Variants in ULK2 observed in about 807,000 individuals in gnomAD.
ULK2 encodes the protein unc-51 like autophagy activating kinase 2, also known as serine/threonine-protein kinase ULK2.
ULK2 carries 76 observed loss-of-function variants against 127.5 expected under a neutral mutation model. The ratio of observed to expected loss-of-function variants is 0.60; its 90% CI spans 0.50 to 0.72. The LOEUF is 0.72. Among genes scored for constraint, ULK2 ranks in the 30% least tolerant of loss-of-function variants. The probability of loss-of-function intolerance (pLI) is 0.00; values close to 1 mark genes in which losing one functional copy is unlikely to be tolerated. For missense variants in ULK2, 1,144 were observed against 1,295.9 expected (o/e 0.88, Z 1.80); for synonymous variants, 452 against 461.9 (o/e 0.98, Z 0.28).
At chr17:19,862,357 A>G (rs1597827810) in intron 3 of ULK2, among the ~76,000 whole-genome samples, 1 of 152,202 alleles carries the variant, frequency 6.6e-6, no homozygotes. Context: ...TCAGCCTCCC[A>G]AAGTGTGGAT....
In ULK2 at chr17:19,781,193, T is replaced by C. The variant is rs2086911616; in HGVS notation, c.2640-89A>G. 8.7e-6 allele frequency: 9 copies of C among 1,038,464 alleles called. No homozygotes were observed. The South Asian group carries it at 1.4e-4, about 16-fold the overall frequency. The allele number at this position is 1,038,464 out of a possible 1,614,324, so 64.3% of individuals were successfully genotyped here. On this transcript the variant is annotated intron_variant, in intron 23 of 26. Transcript: ENST00000395544. ...ACAACAGGTCACCATTAAAATTGCCTTTCTATAAAGGAATAGCATCCTCTT... is the reference window on the plus strand; with the variant it reads ...ACAACAGGTCACCATTAAAATTGCCCTTCTATAAAGGAATAGCATCCTCTT...
chr17:19,777,832 G>T, intron 25 of ULK2, 116 bp from the exon 26 acceptor site: 1 of 1,266,514 alleles, frequency 7.9e-7, no homozygotes, highest in Non-Finnish European at 1.1e-6. Context: ...TTGGTAAAGT[G>T]ATACAGTCTG....
intron 9 of ULK2, 72 bp from the exon 10 acceptor site, chr17:19,838,655 T>C: frequency 7.8e-7 from 1 of 1,287,708 alleles, no homozygotes; most frequent in South Asian, 1.3e-5. Flanking sequence ...TTGCCTTCCA[T>C]ATAGTAAACT....
At chr17:19,785,817 G>A in intron 21 of ULK2, 120 bp downstream of exon 21, 1 of 1,229,878 alleles carries the variant, frequency 8.1e-7, no homozygotes, top group Non-Finnish European at 1.1e-6. Flanking sequence ...CATTTCACTG[G>A]TAAAGAAACT....
At chr17:19,824,944 A>C in intron 12 of ULK2, 150 bp downstream of exon 12, 1 of 757,864 alleles carries the variant, frequency 1.3e-6, no homozygotes, top group Non-Finnish European at 2.1e-6. Flanking sequence ...GGTCCATTTG[A>C]CCCAACTATC....
At chr17:19,785,818 T>C (rs1369380749) in intron 21 of ULK2, 119 bp downstream of exon 21, 1 of 1,239,996 alleles carries the variant, frequency 8.1e-7, no homozygotes, top group Non-Finnish European at 1.1e-6. Flanking sequence ...ATTTCACTGG[T>C]AAAGAAACTG....
chr17:19,846,564 C>T (rs1369500565), intron 6 of ULK2, among the ~76,000 whole-genome samples, 173 bp downstream of exon 6: 1 of 151,052 alleles, frequency 6.6e-6, no homozygotes, highest in African/African-American at 2.4e-5. Flanking sequence ...CGCTTGAACC[C>T]AGGAGGCGTA....
At chr17:19,835,194 T>G (rs1348677460) in intron 10 of ULK2, among the ~76,000 whole-genome samples, 1 of 150,892 alleles carries the variant, frequency 6.6e-6, no homozygotes, top group East Asian at 2.0e-4. Flanking sequence ...TCACCCAGGC[T>G]GGAGGAGTGT....
chr17:19,831,304 C>G (rs2041436690), intron 10 of ULK2, among the ~76,000 whole-genome samples: 1 of 152,054 alleles, frequency 6.6e-6, no homozygotes, highest in African/African-American at 2.4e-5. Flanking sequence ...TCACTCACCT[C>G]CCACCAAGCC....
At chr17:19,778,652 G>A (rs539503937) in intron 25 of ULK2, among the ~76,000 whole-genome samples, 3 of 152,106 alleles carry the variant, frequency 2.0e-5, no homozygotes, top group African/African-American at 2.4e-5. Context: ...ATGGGGTCTC[G>A]CTCTGTTGCC....
intron 4 of ULK2, 85 bp from the exon 5 acceptor site, chr17:19,849,490 A>G (rs1027176026): frequency 7.5e-7 from 1 of 1,331,360 alleles, no homozygotes; most frequent in African/African-American, 1.5e-5. Flanking sequence ...TTAAAAAATC[A>G]TTTGTATATA....
At chr17:19,833,299 A>G (rs1482945631) in intron 10 of ULK2, among the ~76,000 whole-genome samples, 2 of 152,306 alleles carry the variant, frequency 1.3e-5, no homozygotes, top group African/African-American at 4.8e-5. Context: ...GAAGCAGTCA[A>G]TAGAAACTGT....
At chr17:19,834,847 C>CTGCA (rs1030300823) in intron 10 of ULK2, among the ~76,000 whole-genome samples, 2 of 151,300 alleles carry the variant, frequency 1.3e-5, no homozygotes, top group African/African-American at 4.9e-5. Flanking sequence ...GAGGTCAAGG[C>CTGCA]TGCAGTGAGG....
intron 3 of ULK2, among the ~76,000 whole-genome samples, chr17:19,850,506 T>C (rs992768046): frequency 1.3e-5 from 2 of 152,194 alleles, no homozygotes; most frequent in Non-Finnish European, 2.9e-5. Flanking sequence ...GTGGCTTAAC[T>C]TGAGCCAGTG....
chr17:19,839,805 C>T (rs2041693732), intron 9 of ULK2, among the ~76,000 whole-genome samples: 1 of 152,132 alleles, frequency 6.6e-6, no homozygotes, highest in African/African-American at 2.4e-5. Context: ...AATCTGCTAA[C>T]ATTCCATGTT....
intron 3 of ULK2, among the ~76,000 whole-genome samples, chr17:19,859,186 A>C (rs1287895289): frequency 1.3e-5 from 2 of 151,954 alleles, no homozygotes; most frequent in Non-Finnish European, 2.9e-5. Context: ...GAGATTATAA[A>C]AATTTTTTTT....
At chr17:19,789,179 G>T (rs2087099002) in intron 20 of ULK2, among the ~76,000 whole-genome samples, 1 of 152,218 alleles carries the variant, frequency 6.6e-6, no homozygotes, top group South Asian at 2.1e-4. Context: ...CAGTTCCAGT[G>T]GTGGTGGCCA....
At chr17:19,845,464 G>C in intron 6 of ULK2, 87 bp from the exon 7 acceptor site, 1 of 1,021,698 alleles carries the variant, frequency 9.8e-7, no homozygotes, top group Non-Finnish European at 1.5e-6. Context: ...GACACAAGAA[G>C]GCACAAAGGA....
intron 20 of ULK2, among the ~76,000 whole-genome samples, chr17:19,788,630 G>A (rs528045203): frequency 1.9e-4 from 29 of 152,204 alleles, no homozygotes; most frequent in African/African-American, 6.5e-4. Flanking sequence ...GTAGCAGCTT[G>A]ATTACAGTGG....
Sources: allele counts gnomAD v4.1 joint callset (sites outside exome capture counted in the v4.1 genomes callset), GRCh38; gene constraint gnomAD v4.1.1; transcripts MANE v1.5; gene names NCBI Gene and HGNC (gene_info 2026-07-23, HGNC 2026-07-21).